Variants in ITGBL1 observed in about 807,000 individuals in gnomAD.
The protein encoded by ITGBL1 is integrin beta-like protein 1.
A neutral mutation model predicts 68.5 loss-of-function variants in ITGBL1; 51 were observed. The observed-to-expected ratio is 0.74, with a 90% confidence interval of 0.59 to 0.94. The LOEUF is 0.94. Ranked by LOEUF, ITGBL1 falls within the 40% of genes least tolerant of loss-of-function variation. The pLI is 0.00. For synonymous variants in ITGBL1, 209 were observed against 227.3 expected (o/e 0.92, Z 0.72); for missense variants, 649 against 647.4 (o/e 1.00, Z -0.03).
chr13:101,691,459 G>A (rs914117497), intron 7 of ITGBL1, among the ~76,000 whole-genome samples: 2 of 152,064 alleles, frequency 1.3e-5, no homozygotes, highest in South Asian at 4.1e-4. Flanking sequence ...TCTTTAACAA[G>A]ATACAAGTTC....
chr13:101,586,607 T>TA (rs1330126698), intron 6 of ITGBL1, among the ~76,000 whole-genome samples: 1 of 152,212 alleles, frequency 6.6e-6, no homozygotes, highest in African/African-American at 2.4e-5. Context: ...CACACTGCCA[T>TA]AAAAGTGTCA....
intron 2 of ITGBL1, among the ~76,000 whole-genome samples, chr13:101,561,166 A>C (rs565071009): frequency 6.6e-6 from 1 of 152,222 alleles, no homozygotes; most frequent in Admixed American, 6.5e-5. Context: ...TGCCCTCGTG[A>C]ATGAGCATGA....
chr13:101,509,180 T>C (rs1025369803), intron 2 of ITGBL1, among the ~76,000 whole-genome samples: 1 of 152,096 alleles, frequency 6.6e-6, no homozygotes, highest in Non-Finnish European at 1.5e-5. Flanking sequence ...CTTACGTGGA[T>C]GGTGGCAGGC....
intron 6 of ITGBL1, among the ~76,000 whole-genome samples, chr13:101,590,344 G>A (rs899268515): frequency 6.6e-6 from 1 of 152,126 alleles, no homozygotes; most frequent in African/African-American, 2.4e-5. Context: ...TCTCCCTTCA[G>A]TCGTGTGTCT....
At chr13:101,537,321 A>C (rs2049596350) in intron 2 of ITGBL1, among the ~76,000 whole-genome samples, 1 of 152,072 alleles carries the variant, frequency 6.6e-6, no homozygotes, top group Non-Finnish European at 1.5e-5. Context: ...TGGTCAAGTA[A>C]CTTAGGAAAT....
chr13:101,661,790 A>G (rs191266291), intron 7 of ITGBL1, among the ~76,000 whole-genome samples: 2 of 152,300 alleles, frequency 1.3e-5, no homozygotes, highest in East Asian at 1.9e-4. Flanking sequence ...GAAACTTAGA[A>G]AAGACTAGGT....
intron 2 of ITGBL1, among the ~76,000 whole-genome samples, chr13:101,514,499 T>C (rs2049165196): frequency 1.3e-5 from 2 of 152,092 alleles, no homozygotes; most frequent in South Asian, 4.1e-4. Flanking sequence ...ATTTATTTCC[T>C]AAAGTCTCTC....
intron 9 of ITGBL1, 80 bp from the exon 10 acceptor site, chr13:101,714,358 C>A: frequency 3.6e-6 from 3 of 832,664 alleles, no homozygotes; most frequent in Non-Finnish European, 6.3e-6. Flanking sequence ...AGCCTGTTGT[C>A]AGTGTGTCAA....
At chr13:101,655,992 A>G (rs545767177) in intron 7 of ITGBL1, among the ~76,000 whole-genome samples, 3 of 152,330 alleles carry the variant, frequency 2.0e-5, no homozygotes, top group African/African-American at 7.2e-5. Flanking sequence ...TGAGACATCA[A>G]TCAAATACAT....
intron 7 of ITGBL1, among the ~76,000 whole-genome samples, chr13:101,662,566 C>T (rs1315896329): frequency 6.6e-6 from 1 of 152,112 alleles, no homozygotes; most frequent in African/African-American, 2.4e-5. Flanking sequence ...TCTTACTTTT[C>T]CAACAGCCTC....
intron 2 of ITGBL1, among the ~76,000 whole-genome samples, chr13:101,531,875 A>G (rs1402367544): frequency 6.6e-6 from 1 of 151,808 alleles, no homozygotes; most frequent in East Asian, 1.9e-4. Context: ...CTGGGACAAC[A>G]GGCGCCTGCC....
chr13:101,475,671 A>G (rs2069424867), intron 2 of ITGBL1, among the ~76,000 whole-genome samples: 1 of 152,162 alleles, frequency 6.6e-6, no homozygotes, highest in Non-Finnish European at 1.5e-5. Context: ...AAGATTCTTA[A>G]ATTAGCAAGA....
chr13:101,675,719 G>A (rs945051071), intron 7 of ITGBL1, among the ~76,000 whole-genome samples: 13 of 152,066 alleles, frequency 8.5e-5, no homozygotes, highest in African/African-American at 2.4e-4. Context: ...AATAATAGCC[G>A]TGTAAATGTC....
intron 8 of ITGBL1, among the ~76,000 whole-genome samples, chr13:101,698,778 G>A (rs968166571): frequency 6.6e-5 from 10 of 152,196 alleles, no homozygotes; most frequent in African/African-American, 2.4e-4. Context: ...ACTGGCACAT[G>A]TGTGTTTAAT....
intron 3 of ITGBL1, among the ~76,000 whole-genome samples, chr13:101,569,157 C>G (rs1344603677): frequency 1.3e-5 from 2 of 151,646 alleles, no homozygotes; most frequent in Admixed American, 1.3e-4. Context: ...CGTCTTTCAT[C>G]TTGAAAAAAT....
intron 2 of ITGBL1, among the ~76,000 whole-genome samples, chr13:101,498,221 AC>A (rs1156381591): frequency 6.6e-6 from 1 of 152,112 alleles, no homozygotes; most frequent in African/African-American, 2.4e-5. Context: ...CTTCAAACTT[AC>A]ATTTCCTTTG....
chr13:101,699,741 C>T (rs2034090168), intron 8 of ITGBL1, among the ~76,000 whole-genome samples: 1 of 152,188 alleles, frequency 6.6e-6, no homozygotes, highest in Non-Finnish European at 1.5e-5. Context: ...AATGAATGGT[C>T]CATGTAGATG....
chr13:101,647,307 C>T (rs2032590861), intron 7 of ITGBL1, among the ~76,000 whole-genome samples: 1 of 152,006 alleles, frequency 6.6e-6, no homozygotes, highest in Non-Finnish European at 1.5e-5. Flanking sequence ...TTTTCAAAAC[C>T]ATCTATGATG....
chr13:101,567,349 A>G (rs1265313160), intron 2 of ITGBL1, among the ~76,000 whole-genome samples: 5 of 152,136 alleles, frequency 3.3e-5, no homozygotes, highest in African/African-American at 1.2e-4. Context: ...ACAGTAAACT[A>G]GAAGTATTTT....
Sources: allele counts gnomAD v4.1 joint callset (sites outside exome capture counted in the v4.1 genomes callset), GRCh38; gene constraint gnomAD v4.1.1; transcripts MANE v1.5; gene names NCBI Gene and HGNC (gene_info 2026-07-23, HGNC 2026-07-21).